Variants in NRG1 observed in about 807,000 individuals in gnomAD.
The protein encoded by NRG1 is neuregulin 1.
Under a neutral mutation model 63.8 loss-of-function variants are expected in NRG1, and 18 were observed. The ratio of observed to expected loss-of-function variants is 0.28; its 90% confidence interval spans 0.19 to 0.42. The LOEUF (loss-of-function observed/expected upper bound fraction) is 0.42, where lower values mean the gene tolerates loss of function less well. Among genes scored for constraint, NRG1 ranks in the 10% least tolerant of loss-of-function variants. The pLI is 1.00. For missense variants in NRG1, 762 were observed against 814.7 expected (o/e 0.94, Z 0.79); for synonymous variants, 302 against 301.3 (o/e 1.00, Z -0.02).
chr8:32,391,877 C>T (rs1011883491), intron 1 of NRG1, among the ~76,000 whole-genome samples: 2 of 152,076 alleles, frequency 1.3e-5, no homozygotes, highest in East Asian at 1.9e-4. Flanking sequence ...GTACTTTTCT[C>T]GAGTCCAAAG....
At chr8:32,445,424 T>C (rs1820118613) in intron 1 of NRG1, among the ~76,000 whole-genome samples, 1 of 152,166 alleles carries the variant, frequency 6.6e-6, no homozygotes, top group African/African-American at 2.4e-5. Flanking sequence ...ACACTATCTG[T>C]CCACAAGTGA....
At chr8:32,013,476 G>A (rs1004265264) in intron 1 of NRG1, among the ~76,000 whole-genome samples, 35 of 152,174 alleles carry the variant, frequency 2.3e-4, no homozygotes, top group Admixed American at 1.3e-4. Context: ...AAGTTCCTGG[G>A]TTGCCTAAAT....
intron 1 of NRG1, among the ~76,000 whole-genome samples, chr8:32,257,859 G>A (rs1849906951): frequency 3.9e-5 from 6 of 152,178 alleles, no homozygotes; most frequent in Admixed American, 3.9e-4. Flanking sequence ...AAATAGTAAT[G>A]TTTAGGGTCA....
At chr8:31,919,921 G>A (rs557391539) in intron 1 of NRG1, among the ~76,000 whole-genome samples, 1 of 152,244 alleles carries the variant, frequency 6.6e-6, no homozygotes, top group Non-Finnish European at 1.5e-5. Context: ...GAATGTTTGT[G>A]TGGATATGTA....
Position 32,017,533 on chromosome 8 carries a change from G to A in NRG1, c.37+378102G>A, listed in dbSNP as rs1029404073. 7.2e-5 allele frequency among the ~76,000 whole-genome samples: 11 copies of A among 152,240 alleles called. No individual in the cohort carries two copies. The East Asian group carries it at 1.9e-3, about 27-fold the overall frequency. On this transcript the variant is annotated intron_variant, in intron 1 of 10. Coordinates refer to the NRG1 transcript ENST00000519301. ...AAAGGCTCAGTCCCACAAGACCACC[G>A]TTCGCTTCACATGGCAGTCACAGGC...
intron 1 of NRG1, among the ~76,000 whole-genome samples, chr8:32,532,558 C>T (rs902026403): frequency 6.6e-6 from 1 of 152,020 alleles, no homozygotes. Context: ...TAGAATTTCT[C>T]TTATGGAAAC....
chr8:32,743,974 A>C (rs1826968815), intron 7 of NRG1, among the ~76,000 whole-genome samples: 1 of 152,072 alleles, frequency 6.6e-6, no homozygotes. Context: ...GTGTTCCATT[A>C]AATCTTTATT....
intron 1 of NRG1, among the ~76,000 whole-genome samples, chr8:32,271,716 C>A (rs1254528195): frequency 1.3e-5 from 2 of 152,162 alleles, no homozygotes; most frequent in Admixed American, 6.5e-5. Flanking sequence ...GGTGTGTTCC[C>A]AAACACTCAG....
chr8:32,099,570 G>A (rs1018250384), intron 1 of NRG1: 1 of 152,170 alleles, frequency 6.6e-6, no homozygotes, highest in Non-Finnish European at 1.5e-5. Context: ...AAGGACTTAA[G>A]AAGAATAGGA....
At chr8:31,705,111 C>G (rs953006868) in intron 1 of NRG1, among the ~76,000 whole-genome samples, 2 of 152,084 alleles carry the variant, frequency 1.3e-5, no homozygotes, top group African/African-American at 2.4e-5. Flanking sequence ...TCTCGGCTGA[C>G]TGCAACCTCT....
chr8:32,376,152 A>G lies in NRG1; in HGVS notation c.38-219676A>G, dbSNP rs1356984418. On this transcript the variant is annotated intron_variant, in intron 1 of 10. Coordinates refer to the NRG1 transcript ENST00000519301. ...CTGTAAAAGAAAGTAAGAAAACACA[A>G]TCAAAGTTAAAATGAACCAAGCTAA... Among the ~76,000 whole-genome samples, 4 of 152,244 alleles carry G rather than the reference A, an allele frequency of 2.6e-5. No individual in the cohort carries two copies. The East Asian group carries it at 7.7e-4, about 29-fold the overall frequency.
chr8:32,159,029 C>T (rs925944233), intron 1 of NRG1, among the ~76,000 whole-genome samples: 1 of 152,026 alleles, frequency 6.6e-6, no homozygotes, highest in Non-Finnish European at 1.5e-5. Context: ...CCATCAACCA[C>T]ACTTATTGTG....
At chr8:31,810,072 T>C (rs1446145224) in intron 1 of NRG1, among the ~76,000 whole-genome samples, 1 of 152,090 alleles carries the variant, frequency 6.6e-6, no homozygotes, top group African/African-American at 2.4e-5. Context: ...AACCTTGGAT[T>C]CATCCTGATA....
intron 1 of NRG1, among the ~76,000 whole-genome samples, chr8:31,912,841 A>G (rs1833061883): frequency 6.6e-6 from 1 of 152,076 alleles, no homozygotes; most frequent in African/African-American, 2.4e-5. Context: ...ATTATTTTAA[A>G]TGGTTTTAAG....
intron 5 of NRG1, among the ~76,000 whole-genome samples, chr8:32,637,789 T>C (rs897780657): frequency 6.6e-6 from 1 of 152,108 alleles, no homozygotes; most frequent in Non-Finnish European, 1.5e-5. Flanking sequence ...GGAGCACACA[T>C]TTTGTGTGCT....
intron 1 of NRG1, among the ~76,000 whole-genome samples, chr8:32,054,679 T>C (rs929253465): frequency 1.3e-5 from 2 of 152,096 alleles, no homozygotes; most frequent in African/African-American, 4.8e-5. Context: ...TACACTGTAG[T>C]AATTAACTGG....
intron 1 of NRG1, among the ~76,000 whole-genome samples, chr8:32,028,704 C>A (rs1033539789): frequency 6.6e-6 from 1 of 152,088 alleles, no homozygotes; most frequent in Non-Finnish European, 1.5e-5. Flanking sequence ...TTAATGATTT[C>A]ATTCACTAAC....
chr8:31,776,922 A>G (rs1255172023), intron 1 of NRG1, among the ~76,000 whole-genome samples: 1 of 152,200 alleles, frequency 6.6e-6, no homozygotes, highest in Non-Finnish European at 1.5e-5. Context: ...GATGTGGAGA[A>G]ATAGGAACAC....
chr8:32,173,512 G>A (rs1419066257), intron 1 of NRG1, among the ~76,000 whole-genome samples: 1 of 152,030 alleles, frequency 6.6e-6, no homozygotes, highest in Non-Finnish European at 1.5e-5. Context: ...AATGTAAATG[G>A]GCTAAATGCT....
Sources: gnomAD v4.1 joint callset for allele counts (sites outside exome capture counted in the v4.1 genomes callset) on GRCh38, gnomAD v4.1.1 for gene constraint, MANE v1.5 for transcripts, NCBI Gene and HGNC (gene_info 2026-07-23, HGNC 2026-07-21) for gene names.